The following LRRC45 variants were observed in gnomAD, a reference collection of about 807,000 sequenced individuals.
The protein encoded by LRRC45 is leucine-rich repeat-containing protein 45.
A neutral mutation model predicts 85.4 loss-of-function variants in LRRC45; 73 were observed. That is an observed-to-expected ratio of 0.85 (90% CI 0.71 to 1.04). The LOEUF is 1.04. Among genes scored for constraint, LRRC45 ranks in the 50% least tolerant of loss-of-function variants. LRRC45 has a pLI of 0.00. For synonymous variants in LRRC45, 429 were observed against 386.0 expected, an observed-to-expected ratio of 1.11 and a Z score of -1.31; for missense variants, 937 against 883.3, an observed-to-expected ratio of 1.06 and a Z score of -0.77.
At chr17:82,027,469 G>T (rs143407803) in intron 7 of LRRC45, 25 bp downstream of exon 7, 732 of 1,612,510 alleles carry the variant, frequency 4.5e-4, no homozygotes, top group Admixed American at 1.1e-3. Context: ...GGCAGGGGCA[G>T]GGTGAGGCTT....
intron 6 of LRRC45, 51 bp from the exon 7 acceptor site, chr17:82,027,335 G>T: frequency 2.5e-6 from 4 of 1,606,596 alleles, no homozygotes; most frequent in Non-Finnish European, 3.4e-6. Flanking sequence ...AGAAGGTCAG[G>T]TGGACAGGCT....
In LRRC45 at chr17:82,025,215, C is replaced by T. The variant is rs753646062; in HGVS notation, c.532+37C>T. On this transcript the variant is annotated intron_variant, in intron 4 of 16. Coordinates refer to ENST00000306688, the MANE Select transcript of LRRC45 (RefSeq NM_144999.4). ...CAGGCGCCCTCAGGCTCCCTCATCC[C>T]TCTGAGGCTGCCTCTGCTCTGGGAA... is the stretch of plus-strand genomic sequence containing the variant. The T allele has an allele frequency of 3.9e-6, 6 of 1,555,954 alleles. No homozygotes were observed. The Admixed American group carries it at 1.1e-4, about 29-fold the overall frequency.
At position 82,028,403 on chromosome 17, in the gene LRRC45, G is replaced by A. The variant is rs542227613; in HGVS notation, c.1132G>A (p.Glu378Lys). 26 of 1,612,628 alleles carry A rather than the reference G, an allele frequency of 1.6e-5. No individual in the cohort carries two copies. The Admixed American group carries it at 2.3e-4, about 14-fold the overall frequency. ...CCCTGGTGCCGGCTTTCAGGTAGAC[G>A]AGTTGGAGCGGAAGTTCAGGTGTCA... Reference protein sequence around the residue: ...KNLLLQNQVDELERKFRCQQE... With the variant: ...KNLLLQNQVDKLERKFRCQQE... The change falls in exon 11 of 17, where the codon GAG becomes AAG. Residue 378 changes from glutamate (E) to lysine (K), a missense_variant. Transcript: ENST00000306688.
Position 82,023,820 on chromosome 17 carries a change from G to A in LRRC45, c.177G>A (p.Leu59=). 6.4e-7 allele frequency: 1 copy of A among 1,569,772 alleles called. No homozygotes were observed. The highest frequency in any genetic ancestry group is 1.2e-5 in the South Asian group (1 of 85,320). ...GCAAGCTGCTGCCGAGGGAGACGCTGTGCACGGAGCTGGTCCTGAGTGACT... is the reference window on the plus strand; with the variant it reads ...GCAAGCTGCTGCCGAGGGAGACGCTATGCACGGAGCTGGTCCTGAGTGACT... ...ALGKLLPRET[L]CTELVLSDCM... The change falls in exon 1 of 17, where the codon CTG becomes CTA. Residue 59 remains leucine (L), a synonymous_variant. Coordinates refer to ENST00000306688, the MANE Select transcript of LRRC45 (RefSeq NM_144999.4).
In LRRC45 at chr17:82,028,278, T is replaced by C. The variant is rs1449767784; in HGVS notation, c.1092T>C (p.Ala364=). 6.3e-7 allele frequency: 1 copy of C among 1,584,652 alleles called. No homozygotes were observed. Among genetic ancestry groups the C allele is most frequent in the African/African-American group, 1.3e-5 (1 of 74,734 alleles). The part of the protein sequence containing the change: ...RESKLLRDLS[A]ANEKNLLLQN... ...CTAAACTCCTCAGAGACTTGTCTGC[T>C]GCCAATGAAAAGAACCTGCTTCTGC... Residue 364 remains alanine, a synonymous_variant, in exon 10 of 17, where the codon GCT becomes GCC. Coordinates refer to ENST00000306688, the MANE Select transcript of LRRC45 (RefSeq NM_144999.4).
chr17:82,029,106 C>G lies in LRRC45; in HGVS notation c.1322C>G (p.Thr441Ser). 7 of 1,612,554 alleles carry G rather than the reference C, an allele frequency of 4.3e-6. No homozygotes were observed. Among genetic ancestry groups the G allele is most frequent in the Non-Finnish European group, 5.9e-6 (7 of 1,179,898 alleles). ...SLRIKEVEHM[T>S]RHLEESEKAM... ...GCCCCTGAGCAGGTGGAGCATATGA[C>G]CCGTCACCTGGAGGAGAGTGAGAAG... is the stretch of plus-strand genomic sequence containing the variant. The change falls in exon 13 of 17, where the codon ACC (threonine) becomes AGC (serine). Residue 441 changes from threonine to serine, a missense_variant. Physicochemically the swap from Thr to Ser is moderately conservative, Grantham distance 58. Transcript: ENST00000306688.
intron 3 of LRRC45, 88 bp downstream of exon 3, chr17:82,024,851 A>G: frequency 1.4e-6 from 2 of 1,462,324 alleles, no homozygotes; most frequent in South Asian, 1.4e-5. Flanking sequence ...AGAGTTCCCC[A>G]TTGCCAGGTG....
chr17:82,029,928 C>A, intron 14 of LRRC45, 137 bp from the exon 15 acceptor site: 2 of 1,135,810 alleles, frequency 1.8e-6, no homozygotes, highest in Non-Finnish European at 2.4e-6. Context: ...GAGGTGGCTG[C>A]CAGGGGAGCG....
At chr17:82,028,863 C>T (rs1371470425) in intron 12 of LRRC45, 180 bp downstream of exon 12, 2 of 790,624 alleles carry the variant, frequency 2.5e-6, no homozygotes, top group South Asian at 3.6e-5. Context: ...GGCGGGGGGA[C>T]CCCGGCAATG....
chr17:82,028,928 G>A, intron 12 of LRRC45, 165 bp from the exon 13 acceptor site: 1 of 725,744 alleles, frequency 1.4e-6, no homozygotes, highest in Non-Finnish European at 2.3e-6. Flanking sequence ...ACTCGTTCAG[G>A]GTGTGCATGC....
chr17:82,028,753 A>T, intron 12 of LRRC45, 70 bp downstream of exon 12: 3 of 1,488,086 alleles, frequency 2.0e-6, no homozygotes, highest in South Asian at 1.2e-5. Flanking sequence ...TCCCCAAAGC[A>T]CACACCTGGT....
chr17:82,025,148 C>T lies in LRRC45; in HGVS notation c.502C>T (p.Leu168=). 1.2e-6 allele frequency: 2 copies of T among 1,606,874 alleles called. No homozygotes were observed. Among genetic ancestry groups the T allele is most frequent in the Non-Finnish European group, 1.7e-6 (2 of 1,176,306 alleles). Residue 168 remains leucine (L), a synonymous_variant, in exon 4 of 17, where the codon CTG becomes TTG. Coordinates refer to ENST00000306688, the MANE Select transcript of LRRC45 (RefSeq NM_144999.4). ...HKGAEELALA[L]KGNTTLQQLD... is the part of the protein sequence containing the mutation. ...GGGCGCGGAGGAGCTGGCCCTAGCC[C>T]TGAAGGGCAACACCACCCTCCAGCA...
At chr17:82,027,951 G>T in intron 8 of LRRC45, 60 bp from the exon 9 acceptor site, 2 of 1,551,834 alleles carry the variant, frequency 1.3e-6, no homozygotes, top group Non-Finnish European at 1.7e-6. Context: ...AAGCAGCGAG[G>T]CCTTTATAAG....
chr17:82,027,968 G>A (rs761243118), intron 8 of LRRC45, 43 bp from the exon 9 acceptor site: 9 of 1,563,088 alleles, frequency 5.8e-6, no homozygotes, highest in Admixed American at 1.8e-5. Flanking sequence ...TAAGGCAAGT[G>A]AAACTCCAAC....
intron 7 of LRRC45, 84 bp from the exon 8 acceptor site, chr17:82,027,590 A>G (rs1461856822): frequency 1.3e-6 from 2 of 1,541,534 alleles, no homozygotes; most frequent in African/African-American, 2.7e-5. Context: ...ATGCTTAAGG[A>G]ACAGCAGCAG....
chr17:82,030,700 C>T lies in LRRC45; in HGVS notation c.1908C>T (p.Ile636=), dbSNP rs748102384. ...AGCTGCGGCTCCGGGAGGCGGAGATCGCCCGCATCCGGGACGAGGAGGCCC... is the reference window on the plus strand; with the variant it reads ...AGCTGCGGCTCCGGGAGGCGGAGATTGCCCGCATCCGGGACGAGGAGGCCC... ...REKLRLREAE[I]ARIRDEEAQR... is the part of the protein sequence containing the mutation. The change falls in exon 17 of 17, where the codon ATC becomes ATT. Residue 636 remains isoleucine, a synonymous_variant. Transcript: ENST00000306688. The T allele has an allele frequency of 1.3e-6, 2 of 1,495,206 alleles. No individual in the cohort carries two copies. 92.6% of individuals were successfully genotyped at this position (1,495,206 alleles called of 1,614,324 possible).
At position 82,030,927 on chromosome 17, in the gene LRRC45, T is replaced by G; in HGVS notation, c.*122T>G. The G allele has an allele frequency of 2.7e-6, 2 of 741,478 alleles. No homozygotes were observed. Among genetic ancestry groups the G allele is most frequent in the Non-Finnish European group, 3.8e-6 (2 of 532,080 alleles). 45.9% of individuals were successfully genotyped at this position (741,478 alleles called of 1,614,324 possible). ...CGGGTCGTCTGTTCCACGCGGCGGT[T>G]GCGGCGACTGTTGGTGGTGTCGCGG... is the stretch of plus-strand genomic sequence containing the variant. On this transcript the variant is annotated 3_prime_UTR_variant, in exon 17 of 17. Coordinates refer to ENST00000306688, the MANE Select transcript of LRRC45 (RefSeq NM_144999.4).
rs1167692717 is a variant in LRRC45, at chr17:82,028,650, C to T, written c.1275C>T (p.Ser425=). 1.2e-6 allele frequency: 2 copies of T among 1,612,928 alleles called. No individual in the cohort carries two copies. The highest frequency in any genetic ancestry group is 4.5e-5 in the East Asian group (2 of 44,878). ...TGGAGAAGAGAAGATGCAGACAGAG[C>T]CTGGAGGACTCCGAAAGCCTGCGCA... ...LDMEKRRCRQ[S]LEDSESLRIK... The change falls in exon 12 of 17, where the codon AGC becomes AGT. Residue 425 remains serine (S), a synonymous_variant. Coordinates refer to ENST00000306688, the MANE Select transcript of LRRC45 (RefSeq NM_144999.4).
chr17:82,023,922 G>A (rs890925624), intron 1 of LRRC45, 59 bp downstream of exon 1: 2 of 1,457,282 alleles, frequency 1.4e-6, no homozygotes, highest in Non-Finnish European at 1.9e-6. Flanking sequence ...CCATTGCCTC[G>A]GCAGCCCGAG....
Sources: gnomAD v4.1 joint callset for allele counts on GRCh38, gnomAD v4.1.1 for gene constraint, MANE v1.5 for transcripts, NCBI Gene and HGNC (gene_info 2026-07-23, HGNC 2026-07-21) for gene names.